TMEM59: variants seen among roughly 807,000 people sequenced by gnomAD.
The protein encoded by TMEM59 is dendritic cell factor 1.
A neutral mutation model predicts 42.2 loss-of-function variants in TMEM59; 44 were observed. The observed-to-expected ratio is 1.04, with a 90% confidence interval of 0.82 to 1.34. The LOEUF (loss-of-function observed/expected upper bound fraction) is 1.34, where lower values mean the gene tolerates loss of function less well. TMEM59 is among the 40% of genes most tolerant of loss of function. The pLI is 0.00. For missense variants in TMEM59, 359 were observed against 382.8 expected (o/e 0.94, Z 0.52); for synonymous variants, 148 against 145.8 (o/e 1.02, Z -0.11).
rs1657372546 is a variant in TMEM59 at position 54,047,278 on chromosome 1, T to A, written c.284A>T (p.Glu95Val). ...GCATAGCATCTTACCAGATTCACAT[T>A]CCAATTTAGTTCGATTTAAGTCAAT... Reference protein sequence around the residue: ...DGIDLNRTKLECESACTEAYS... With the variant: ...DGIDLNRTKLVCESACTEAYS... Residue 95 changes from glutamate (E) to valine (V), a missense_variant, in exon 2 of 8, where the codon GAA (glutamate) becomes GTA (valine). Physicochemically the swap from Glu to Val is moderately radical, Grantham distance 121. Coordinates refer to ENST00000234831, the MANE Select transcript of TMEM59 (RefSeq NM_004872.5). The A allele has an allele frequency of 6.2e-7, 1 of 1,613,298 alleles. No homozygotes were observed. The highest frequency in any genetic ancestry group is 8.5e-7 in the Non-Finnish European group (1 of 1,179,738).
chr1:54,037,644 C>G (rs560297208), intron 6 of TMEM59, among the ~76,000 whole-genome samples: 3 of 152,214 alleles, frequency 2.0e-5, no homozygotes, highest in Non-Finnish European at 4.4e-5. Context: ...ATACTTACCA[C>G]CCTAATCACT....
In TMEM59 at chr1:54,029,021, G is replaced by A. The variant is rs962430380; in HGVS notation, c.*3129C>T. 1.3e-5 allele frequency: 2 copies of A among 152,164 alleles called. No homozygotes were observed. The highest frequency in any genetic ancestry group is 2.9e-5 in the Non-Finnish European group (2 of 68,046). 9.4% of individuals were successfully genotyped at this position (152,164 alleles called of 1,614,324 possible). A position where few individuals can be genotyped will look rare whatever the true frequency, so the allele number is the denominator to read the frequency against. Reference sequence around the variant, plus strand: ...ATTTGAGTCCACAAAAATTATAATGGAACTACTGTATATCTTTAAAAAACT... The same window carrying A: ...ATTTGAGTCCACAAAAATTATAATGAAACTACTGTATATCTTTAAAAAACT... On this transcript the variant is annotated 3_prime_UTR_variant, in exon 8 of 8. Coordinates refer to ENST00000234831, the MANE Select transcript of TMEM59 (RefSeq NM_004872.5).
In TMEM59 at chr1:54,050,809, G is replaced by A. The variant is rs546046141; in HGVS notation, c.189+2191C>T. ...ACTCCTGACCTGAGGTGATCCACCC[G>A]CCTCAGCTTCCCAAAGTGCTGGGAT... On this transcript the variant is annotated intron_variant, in intron 1 of 7. Transcript: ENST00000234831. 7.3e-5 allele frequency among the ~76,000 whole-genome samples: 11 copies of A among 151,372 alleles called. No homozygotes were observed. In the East Asian group the frequency reaches 2.2e-3, roughly 30 times the overall value.
Position 54,047,413 on chromosome 1 carries a change from A to AT in TMEM59, c.190-42dup, listed in dbSNP as rs201517740. The AT allele has an allele frequency of 1.8e-3, 2,689 of 1,502,668 alleles. 4 individuals are homozygous for AT. The highest frequency in any genetic ancestry group is 8.4e-3 in the African/African-American group (601 of 71,512). 93.1% of individuals were successfully genotyped at this position (1,502,668 alleles called of 1,614,324 possible). On this transcript the variant is annotated intron_variant, in intron 1 of 7. Transcript: ENST00000234831. ...ACAGGAAGGGTTACCAAAAAATAGT[A>AT]TTTTTTTTTCCTCAGGGGAAAACAG... is the stretch of plus-strand genomic sequence containing the variant.
At chr1:54,047,496 T>A in intron 1 of TMEM59, 124 bp from the exon 2 acceptor site, 10 of 746,420 alleles carry the variant, frequency 1.3e-5, no homozygotes, top group Middle Eastern at 2.4e-4. Flanking sequence ...GTTTCATAAC[T>A]GAAAGAAAAA....
At chr1:54,033,757 G>A (rs1052215681) in intron 7 of TMEM59, 2 of 152,000 alleles carry the variant, frequency 1.3e-5, no homozygotes, top group African/African-American at 2.4e-5. Flanking sequence ...AGAAGTACCC[G>A]ATACTGGAAA....
Position 54,032,476 on chromosome 1 carries a change from C to T in TMEM59, c.817-171G>A, listed in dbSNP as rs11206275. 7.0e-3 allele frequency among the ~76,000 whole-genome samples: 1,064 copies of T among 152,242 alleles called. 11 individuals are homozygous for T. Among genetic ancestry groups the T allele is most frequent in the African/African-American group, 0.024 (990 of 41,538 alleles). On this transcript the variant is annotated intron_variant, in intron 7 of 7. Coordinates refer to ENST00000234831, the MANE Select transcript of TMEM59 (RefSeq NM_004872.5). ...GTGTTGTAGATATGTGATTCAGCTC[C>T]CAATGGATGGCCAAAGAAAGCTGTT...
At chr1:54,053,419 G>A, upstream of TMEM59, 6 of 560,362 alleles carry the variant, frequency 1.1e-5, no homozygotes, top group South Asian at 4.8e-5. Context: ...CATCGCAAGC[G>A]TTAGCGCGAA....
intron 3 of TMEM59, 186 bp from the exon 4 acceptor site, chr1:54,043,711 C>G (rs1557677914): frequency 1.1e-5 from 3 of 269,276 alleles, no homozygotes; most frequent in Non-Finnish European, 1.9e-5. Context: ...AGCTTAAAAA[C>G]CAAGGATACT....
chr1:54,045,599 C>T, intron 3 of TMEM59, 93 bp downstream of exon 3: 1 of 1,251,492 alleles, frequency 8.0e-7, no homozygotes, highest in Non-Finnish European at 1.1e-6. Context: ...AAATATAACA[C>T]TAAAATAGGA....
chr1:54,040,858 A>AG (rs1181647457), intron 5 of TMEM59, 21 bp from the exon 6 acceptor site: 1 of 1,593,746 alleles, frequency 6.3e-7, no homozygotes, highest in Non-Finnish European at 8.6e-7. Flanking sequence ...AGTAAGTATG[A>AG]GTTTATTATA....
intron 1 of TMEM59, among the ~76,000 whole-genome samples, chr1:54,050,836 A>G (rs1348607262): frequency 6.6e-6 from 1 of 151,882 alleles, no homozygotes; most frequent in Non-Finnish European, 1.5e-5. Flanking sequence ...TGCTGGGATT[A>G]CAGGAGTGAG....
rs1557671618 is a variant in TMEM59 at position 54,031,477 on chromosome 1, A to G, written c.*673T>C. The G allele has an allele frequency of 6.6e-6, 1 of 152,474 alleles. No individual in the cohort carries two copies. Among genetic ancestry groups the G allele is most frequent in the African/African-American group, 2.4e-5 (1 of 41,462 alleles). 9.4% of individuals were successfully genotyped at this position (152,474 alleles called of 1,614,324 possible). A position where few individuals can be genotyped will look rare whatever the true frequency, so the allele number is the denominator to read the frequency against. Reference sequence around the variant, plus strand: ...GAAAAATAGTTCTTTGGAAACACTCATCAAACAAAAACCTATAGCCTGTGC... The same window carrying G: ...GAAAAATAGTTCTTTGGAAACACTCGTCAAACAAAAACCTATAGCCTGTGC... On this transcript the variant is annotated 3_prime_UTR_variant, in exon 8 of 8. Coordinates refer to ENST00000234831, the MANE Select transcript of TMEM59 (RefSeq NM_004872.5).
chr1:54,045,680 A>G lies in TMEM59; in HGVS notation c.390+12T>C. 1 of 1,613,812 alleles carries G rather than the reference A, an allele frequency of 6.2e-7. No individual in the cohort carries two copies. The highest frequency in any genetic ancestry group is 8.5e-7 in the Non-Finnish European group (1 of 1,179,736). On this transcript the variant is annotated intron_variant, in intron 3 of 7. Coordinates refer to ENST00000234831, the MANE Select transcript of TMEM59 (RefSeq NM_004872.5). ...TAAGCAGGCTAGTTTGAAAGGCAGT[A>G]TTGTTTCGTACTTGTTCTTGTCTCA...
In TMEM59 at chr1:54,030,403, T is replaced by C. The variant is rs1431820861; in HGVS notation, c.*1747A>G. ...GGAGACGAAACAACAGGGCTTTTTA[T>C]TTTTTTTTAATGGTAACTCCTATCC... On this transcript the variant is annotated 3_prime_UTR_variant, in exon 8 of 8. Transcript: ENST00000234831. 1.3e-5 allele frequency: 2 copies of C among 150,846 alleles called. No homozygotes were observed. Among genetic ancestry groups the C allele is most frequent in the Non-Finnish European group, 3.0e-5 (2 of 67,646 alleles). The allele number at this position is 150,846 out of a possible 1,614,324, so 9.3% of individuals were successfully genotyped here.
intron 7 of TMEM59, chr1:54,033,107 CTTTCTTTCTTTTTTT>C (rs200818302): frequency 0.012 from 1,840 of 147,468 alleles, 27 homozygotes; most frequent in African/African-American, 0.037. Context: ...TTTCTTTTTT[CTTTCTTTCTTTTTTT>C]TTTCTTTCTT....
chr1:54,042,770 C>G (rs1184250166), intron 4 of TMEM59, among the ~76,000 whole-genome samples: 1 of 152,168 alleles, frequency 6.6e-6, no homozygotes, highest in Non-Finnish European at 1.5e-5. Flanking sequence ...GGCCGTGAAA[C>G]TGCAACAAGT....
At chr1:54,047,221 GA>G (rs1254274010) in intron 2 of TMEM59, 45 bp downstream of exon 2, 2 of 1,480,032 alleles carry the variant, frequency 1.4e-6, no homozygotes, top group South Asian at 2.4e-5. Flanking sequence ...TTATCACAAA[GA>G]AAACAATGTT....
intron 1 of TMEM59, among the ~76,000 whole-genome samples, chr1:54,048,392 G>T (rs75737797): frequency 0.026 from 3,894 of 152,248 alleles, 115 homozygotes; most frequent in Middle Eastern, 0.078. Context: ...CAATAATTTG[G>T]AAGCTATTTC....
Sources: gnomAD v4.1 joint callset for allele counts (sites outside exome capture counted in the v4.1 genomes callset) on GRCh38, gnomAD v4.1.1 for gene constraint, MANE v1.5 for transcripts, NCBI Gene and HGNC (gene_info 2026-07-23, HGNC 2026-07-21) for gene names.